LAPTM4B: variants seen among roughly 807,000 people sequenced by gnomAD.
LAPTM4B encodes the protein lysosomal protein transmembrane 4 beta.
In LAPTM4B, 26 loss-of-function variants were observed where a neutral mutation model predicts 28.5. That is an observed-to-expected ratio of 0.91 (90% CI 0.67 to 1.27). LAPTM4B has a LOEUF of 1.27. Ranked by LOEUF, LAPTM4B falls within the 50% of genes most tolerant of loss-of-function variation. The pLI, the probability that LAPTM4B is intolerant of heterozygous loss-of-function variation, is 0.00. For synonymous variants in LAPTM4B, 109 were observed against 106.4 expected, an observed-to-expected ratio of 1.02 and a Z score of -0.15; for missense variants, 288 against 285.8, an observed-to-expected ratio of 1.01 and a Z score of -0.06.
Position 97,850,842 on chromosome 8 carries a change from A to G in LAPTM4B, c.604-555A>G, listed in dbSNP as rs944707550. Among the ~76,000 whole-genome samples, 33 of 149,700 alleles carry G rather than the reference A, an allele frequency of 2.2e-4. 1 individual carries two copies. Among genetic ancestry groups the G allele is most frequent in the African/African-American group, 8.3e-4 (33 of 39,834 alleles). On this transcript the variant is annotated intron_variant, in intron 6 of 6. Transcript: ENST00000521545. ...GGGTGATATAACTATTCTGTATTCC[A>G]TTTTCTACTCCAAGAAAGCCGAAAT...
At chr8:97,839,577 A>G (rs1817314242) in intron 6 of LAPTM4B, among the ~76,000 whole-genome samples, 3 of 152,336 alleles carry the variant, frequency 2.0e-5, no homozygotes, top group South Asian at 2.1e-4. Flanking sequence ...TCCCAGAGCA[A>G]CATTCGAGAA....
chr8:97,814,080 G>C (rs910559109), intron 2 of LAPTM4B, among the ~76,000 whole-genome samples: 1 of 152,206 alleles, frequency 6.6e-6, no homozygotes, highest in Admixed American at 6.6e-5. Context: ...GTCCGGGTGC[G>C]GTGACTTATG....
chr8:97,815,344 T>C lies in LAPTM4B; in HGVS notation c.228T>C (p.Ile76=). ...FMDDANMCIA[I]AISLLMILIC... is the part of the protein sequence containing the mutation. Reference sequence around the variant, plus strand: ...TTTCGGCAGACATGTGCATTGCCATTGCGATTTCTCTTCTCATGATCCTGA... The same window carrying C: ...TTTCGGCAGACATGTGCATTGCCATCGCGATTTCTCTTCTCATGATCCTGA... The change falls in exon 3 of 7, where the codon ATT becomes ATC. Residue 76 remains isoleucine (I), a synonymous_variant. Transcript: ENST00000521545. 6.2e-7 allele frequency: 1 copy of C among 1,614,062 alleles called. No individual in the cohort carries two copies. The highest frequency in any genetic ancestry group is 1.3e-5 in the African/African-American group (1 of 75,052).
Position 97,805,344 on chromosome 8 carries a change from T to G in LAPTM4B, c.100-9T>G. On this transcript the variant is annotated splice_polypyrimidine_tract_variant and intron_variant, in intron 1 of 6. Transcript: ENST00000521545. ...AAATTCTTTTTTTTTTTTTTTTTTC[T>G]TGTTGCAGATCATCAATGCTGTGGT... 7.3e-7 allele frequency: 1 copy of G among 1,379,214 alleles called. No individual in the cohort carries two copies. The highest frequency in any genetic ancestry group is 1.0e-6 in the Non-Finnish European group (1 of 991,264). The allele number at this position is 1,379,214 out of a possible 1,614,324, so 85.4% of individuals were successfully genotyped here.
chr8:97,829,423 T>G (rs2449535), intron 6 of LAPTM4B, among the ~76,000 whole-genome samples: 71,474 of 151,896 alleles, frequency 0.47, 17,087 homozygotes, highest in East Asian at 0.58. Flanking sequence ...GCTCCAATTT[T>G]CTGGTTGATG....
chr8:97,844,616 G>T (rs1817401250), intron 6 of LAPTM4B, among the ~76,000 whole-genome samples: 1 of 152,150 alleles, frequency 6.6e-6, no homozygotes, highest in Non-Finnish European at 1.5e-5. Flanking sequence ...AAACATGTCA[G>T]CTCCAAGGCA....
At chr8:97,831,479 CAGAT>C (rs1817181933) in intron 6 of LAPTM4B, among the ~76,000 whole-genome samples, 1 of 152,086 alleles carries the variant, frequency 6.6e-6, no homozygotes, top group African/African-American at 2.4e-5. Context: ...AGTAGAGTGG[CAGAT>C]AGAACAGTGA....
At chr8:97,777,137 GTTTTTTTTTTTTTTT>G (rs1176218610) in intron 1 of LAPTM4B, among the ~76,000 whole-genome samples, 1 of 83,840 alleles carries the variant, frequency 1.2e-5, no homozygotes, top group Non-Finnish European at 2.3e-5. Context: ...TTTCAGTGAG[GTTTTTTTTTTTTTTT>G]TTTTTTTTTT....
At position 97,824,816 on chromosome 8, in the gene LAPTM4B, C is replaced by T. The variant is rs1268316374; in HGVS notation, c.508-242C>T. ...CATCCCTCCCCTCTCCCAACTTCCC[C>T]CAGTACCACCCCCATACCCCCATTG... On this transcript the variant is annotated intron_variant, in intron 5 of 6. Coordinates refer to ENST00000521545, the MANE Select transcript of LAPTM4B (RefSeq NM_018407.6). 2.0e-5 allele frequency among the ~76,000 whole-genome samples: 3 copies of T among 152,098 alleles called. No individual in the cohort carries two copies. The East Asian group carries it at 5.8e-4, about 29-fold the overall frequency.
chr8:97,793,539 G>A (rs142377997), intron 1 of LAPTM4B, among the ~76,000 whole-genome samples: 7 of 152,016 alleles, frequency 4.6e-5, no homozygotes, highest in South Asian at 2.1e-4. Flanking sequence ...ATGAATCTTC[G>A]GCCAACAGCT....
chr8:97,843,417 A>G (rs1307136454), intron 6 of LAPTM4B, among the ~76,000 whole-genome samples: 1 of 152,202 alleles, frequency 6.6e-6, no homozygotes, highest in East Asian at 1.9e-4. Flanking sequence ...CAAACCCACA[A>G]AAAACAAAAC....
chr8:97,833,684 G>T (rs1219588728), intron 6 of LAPTM4B, among the ~76,000 whole-genome samples: 1 of 152,068 alleles, frequency 6.6e-6, no homozygotes, highest in Admixed American at 6.6e-5. Context: ...GTTCAGATTT[G>T]CCTGTTTGTT....
intron 6 of LAPTM4B, among the ~76,000 whole-genome samples, chr8:97,827,031 G>A (rs1817100482): frequency 6.6e-6 from 1 of 152,156 alleles, no homozygotes; most frequent in Admixed American, 6.5e-5. Context: ...GGCTTATAAA[G>A]CCACCATCTT....
intron 1 of LAPTM4B, chr8:97,788,370 G>A (rs1198510556): frequency 1.3e-5 from 4 of 316,078 alleles, no homozygotes; most frequent in Non-Finnish European, 2.5e-5. Flanking sequence ...GGCAAGAAGC[G>A]GAGTCAGGCA....
At chr8:97,838,186 T>C (rs973013456) in intron 6 of LAPTM4B, among the ~76,000 whole-genome samples, 4 of 152,198 alleles carry the variant, frequency 2.6e-5, no homozygotes, top group Non-Finnish European at 2.9e-5. Flanking sequence ...GGAGCTTTCT[T>C]GTGTGTGACT....
intron 5 of LAPTM4B, among the ~76,000 whole-genome samples, chr8:97,822,882 C>G (rs772912042): frequency 2.8e-4 from 42 of 152,006 alleles, no homozygotes; most frequent in Non-Finnish European, 2.5e-4. Context: ...CACTCTGTCA[C>G]CCAGGCTGGA....
At chr8:97,836,335 C>T (rs1817259894) in intron 6 of LAPTM4B, among the ~76,000 whole-genome samples, 1 of 152,046 alleles carries the variant, frequency 6.6e-6, no homozygotes, top group African/African-American at 2.4e-5. Context: ...CACATGCCAC[C>T]ATGCCTGGCT....
rs950125995 is a variant in LAPTM4B at position 97,812,214 on chromosome 8, T to TG, written c.212-3114_212-3113insG. On this transcript the variant is annotated intron_variant, in intron 2 of 6. Transcript: ENST00000521545. ...AAGTAAATTAATTATTTGTTTTTTTTTTGTTGTTTTTTGTTTTTTTTTTGA... is the reference window on the plus strand; with the variant it reads ...AAGTAAATTAATTATTTGTTTTTTTTGTTGTTGTTTTTTGTTTTTTTTTTGA... Among the ~76,000 whole-genome samples the TG allele has an allele frequency of 8.9e-4, 36 of 40,632 alleles. 2 individuals carry two copies. Among genetic ancestry groups the TG allele is most frequent in the African/African-American group, 1.2e-3 (34 of 28,380 alleles). The allele number at this position is 40,632 out of a possible 152,430, so 26.7% of individuals were successfully genotyped here.
intron 1 of LAPTM4B, among the ~76,000 whole-genome samples, chr8:97,784,510 A>G (rs140499344): frequency 0.058 from 8,808 of 152,050 alleles, 856 homozygotes; most frequent in African/African-American, 0.2. Flanking sequence ...TGGGATCTCC[A>G]CTCACTGCAA....
Sources: gnomAD v4.1 joint callset for allele counts (sites outside exome capture counted in the v4.1 genomes callset) on GRCh38, gnomAD v4.1.1 for gene constraint, MANE v1.5 for transcripts, NCBI Gene and HGNC (gene_info 2026-07-23, HGNC 2026-07-21) for gene names.